Variants in LRTM3 observed in about 807,000 individuals in gnomAD.
LRTM3 encodes leucine rich repeat transmembrane protein 3.
At chr13:102,758,025 CTT>C in the LRTM3 span, among the ~76,000 whole-genome samples, 1 of 152,176 alleles carries the variant, frequency 6.6e-6, no homozygotes, top group African/African-American at 2.4e-5. Flanking sequence ...TTACAAACTC[CTT>C]TCATGTCACT....
chr13:102,753,740 A>G, the LRTM3 span, among the ~76,000 whole-genome samples: 2 of 152,198 alleles, frequency 1.3e-5, no homozygotes, highest in African/African-American at 4.8e-5. Context: ...CTTTTAGTAT[A>G]TAGTCTTTGG....
the LRTM3 span, among the ~76,000 whole-genome samples, chr13:102,755,217 C>T: frequency 2.0e-5 from 3 of 150,670 alleles, no homozygotes; most frequent in East Asian, 5.9e-4. Context: ...TCCTCTCTGC[C>T]CCCCCAGCTA....
At chr13:102,744,844 C>A in the LRTM3 span, 1 of 1,550,762 alleles carries the variant, frequency 6.4e-7, no homozygotes, top group Non-Finnish European at 8.7e-7. Context: ...ATTTCTGTAA[C>A]TCCAGGACAG....
the LRTM3 span, chr13:102,735,685 T>G: frequency 1.9e-6 from 3 of 1,551,220 alleles, no homozygotes; most frequent in African/African-American, 1.4e-5. Flanking sequence ...TGGGTTGCAC[T>G]GGTCCTTTTG....
At chr13:102,731,309 T>C in the LRTM3 span, 7 of 1,551,418 alleles carry the variant, frequency 4.5e-6, no homozygotes, top group Non-Finnish European at 6.1e-6. Context: ...CATTGTTTTA[T>C]GTCTAGAATA....
chr13:102,740,826 CCTTTAATGCTTT>C, the LRTM3 span: 1 of 1,549,562 alleles, frequency 6.5e-7, no homozygotes, highest in African/African-American at 1.4e-5. Context: ...CTATTGATTG[CCTTTAATGCTTT>C]CTTTACCTTT....
chr13:102,736,986 G>A, the LRTM3 span: 1 of 1,550,868 alleles, frequency 6.4e-7, no homozygotes, highest in African/African-American at 1.4e-5. Flanking sequence ...GATAGAGAAG[G>A]TATTGTCAGA....
the LRTM3 span, chr13:102,738,942 C>T: frequency 1.3e-6 from 2 of 1,550,652 alleles, no homozygotes; most frequent in Non-Finnish European, 1.7e-6. Flanking sequence ...CTGTCTTTGT[C>T]TTTCTGCGGC....
chr13:102,730,374 T>C, the LRTM3 span: 1 of 1,551,032 alleles, frequency 6.4e-7, no homozygotes, highest in East Asian at 2.4e-5. Flanking sequence ...GGACTCTCAA[T>C]ATCTGTCTGA....
chr13:102,731,784 G>T, the LRTM3 span: 1 of 1,550,998 alleles, frequency 6.4e-7, no homozygotes, highest in Non-Finnish European at 8.7e-7. Context: ...TGAACCTTTT[G>T]TGTGGTCATG....
At chr13:102,733,417 G>C in the LRTM3 span, 9 of 1,551,280 alleles carry the variant, frequency 5.8e-6, no homozygotes, top group Middle Eastern at 5.0e-4. Flanking sequence ...GCTGGTGAGC[G>C]TATCTCTCTG....
At chr13:102,743,548 T>G in the LRTM3 span, 7 of 1,548,870 alleles carry the variant, frequency 4.5e-6, no homozygotes, top group Non-Finnish European at 6.1e-6. Flanking sequence ...TAATTTTCCT[T>G]TCTGATAACT....
chr13:102,739,275 G>A, the LRTM3 span: 4 of 1,549,702 alleles, frequency 2.6e-6, no homozygotes, highest in Non-Finnish European at 3.5e-6. Context: ...ATACATTTGA[G>A]GCCCATTACA....
chr13:102,737,070 T>C, the LRTM3 span: 2 of 1,551,102 alleles, frequency 1.3e-6, no homozygotes, highest in Non-Finnish European at 1.7e-6. Context: ...ACTTCTCTAG[T>C]TTTTGAGCCA....
the LRTM3 span, among the ~76,000 whole-genome samples, chr13:102,752,936 G>A: frequency 6.6e-6 from 1 of 152,170 alleles, no homozygotes; most frequent in Non-Finnish European, 1.5e-5. Flanking sequence ...AATCCAATAT[G>A]ACTGGTGCCC....
chr13:102,745,002 G>T, the LRTM3 span: 1 of 1,550,848 alleles, frequency 6.4e-7, no homozygotes, highest in Non-Finnish European at 8.7e-7. Flanking sequence ...TTTAGAGGAA[G>T]AAGTTTTGAA....
the LRTM3 span, chr13:102,736,157 G>C: frequency 6.5e-7 from 1 of 1,545,398 alleles, no homozygotes; most frequent in Admixed American, 2.0e-5. Context: ...TGATGATATA[G>C]GAAGCTTTGG....
At chr13:102,729,827 T>A in the LRTM3 span, 2 of 1,551,900 alleles carry the variant, frequency 1.3e-6, no homozygotes, top group Non-Finnish European at 8.7e-7. Context: ...GTGGTCCCAA[T>A]GACTGCTGTT....
At chr13:102,742,855 G>A in the LRTM3 span, 2 of 1,550,618 alleles carry the variant, frequency 1.3e-6, no homozygotes, top group South Asian at 2.4e-5. Flanking sequence ...AATGGCCAAT[G>A]TTCTGTTTAT....
Sources: gnomAD v4.1 joint callset for allele counts (sites outside exome capture counted in the v4.1 genomes callset) on GRCh38, gnomAD v4.1.1 for gene constraint, MANE v1.5 for transcripts, NCBI Gene and HGNC (gene_info 2026-07-23, HGNC 2026-07-21) for gene names.